IGBP1: variants seen among roughly 807,000 people sequenced by gnomAD.
The protein encoded by IGBP1 is immunoglobulin-binding protein 1.
Under a neutral mutation model 25.9 loss-of-function variants are expected in IGBP1, and 2 were observed. The observed-to-expected ratio is 0.08, with a 90% CI of 0.03 to 0.24. The LOEUF (loss-of-function observed/expected upper bound fraction) is 0.24, where lower values mean the gene tolerates loss of function less well. IGBP1 is among the 10% of genes least tolerant of loss of function. IGBP1 has a pLI of 1.00. For synonymous variants in IGBP1, 96 were observed against 93.4 expected, an observed-to-expected ratio of 1.03 and a Z score of -0.16; for missense variants, 187 against 260.4, an observed-to-expected ratio of 0.72 and a Z score of 1.94.
chrX:70,146,590 T>C (rs762543700), intron 3 of IGBP1, 43 bp from the exon 4 acceptor site: 1 of 1,091,536 alleles, frequency 9.2e-7, no homozygotes, highest in Non-Finnish European at 1.3e-6. Context: ...AAGGAATACC[T>C]CTTCATTTGT....
intron 3 of IGBP1, among the ~76,000 whole-genome samples, 180 bp from the exon 4 acceptor site, chrX:70,146,453 G>T (rs1223788203): frequency 9.0e-6 from 1 of 110,641 alleles, no homozygotes; most frequent in Non-Finnish European, 1.9e-5. Flanking sequence ...GCCCTAACTT[G>T]TCATCTGAGG....
chrX:70,151,101 C>G (rs1478668063), intron 6 of IGBP1, among the ~76,000 whole-genome samples: 1 of 110,916 alleles, frequency 9.0e-6, no homozygotes, highest in Non-Finnish European at 1.9e-5. Flanking sequence ...GCTGGGAATA[C>G]AGGCGCCTGC....
intron 3 of IGBP1, among the ~76,000 whole-genome samples, chrX:70,146,336 C>T (rs780718929): frequency 9.1e-6 from 1 of 110,317 alleles, no homozygotes; most frequent in Admixed American, 9.7e-5. Flanking sequence ...TAGTAAAGGC[C>T]AGTATAATCA....
intron 3 of IGBP1, among the ~76,000 whole-genome samples, chrX:70,142,595 G>T (rs899800194): frequency 4.3e-4 from 47 of 110,128 alleles, no homozygotes; most frequent in African/African-American, 1.6e-3. Context: ...GAGGCAGGAG[G>T]GTCATTTGAG....
intron 6 of IGBP1, among the ~76,000 whole-genome samples, chrX:70,154,263 G>A (rs2085223063): frequency 9.5e-6 from 1 of 105,476 alleles, no homozygotes; most frequent in Non-Finnish European, 1.9e-5. Context: ...TAGTAGAGAT[G>A]AGGTTTCATT....
intron 2 of IGBP1, 107 bp downstream of exon 2, chrX:70,134,242 C>G (rs762279872): frequency 6.9e-6 from 5 of 724,577 alleles, no homozygotes; most frequent in Non-Finnish European, 1.1e-5. Flanking sequence ...GAGAACGTTT[C>G]GTTCCTACTT....
intron 6 of IGBP1, among the ~76,000 whole-genome samples, chrX:70,160,611 C>CT (rs1569424976): frequency 8.9e-6 from 1 of 112,286 alleles, no homozygotes; most frequent in East Asian, 2.8e-4. Context: ...GAATGAGCTT[C>CT]AGACAGCCAA....
chrX:70,166,134 T>G lies in IGBP1; in HGVS notation c.*153T>G. ...TGCATTCAGTAAAGTGTCAAGTGATTAAGTGTGTATTTGTACCCTAGATGA... is the reference window on the plus strand; with the variant it reads ...TGCATTCAGTAAAGTGTCAAGTGATGAAGTGTGTATTTGTACCCTAGATGA... On this transcript the variant is annotated 3_prime_UTR_variant, in exon 7 of 7. Coordinates refer to ENST00000356413, the MANE Select transcript of IGBP1 (RefSeq NM_001551.3). The G allele has an allele frequency of 2.0e-6, 1 of 505,662 alleles. No individual in the cohort carries two copies. Among genetic ancestry groups the G allele is most frequent in the Non-Finnish European group, 3.3e-6 (1 of 298,748 alleles). 41.7% of individuals were successfully genotyped at this position (505,662 alleles called of 1,213,427 possible).
Position 70,166,168 on chromosome X carries a change from A to C in IGBP1, c.*187A>C, listed in dbSNP as rs2085296790. 1 of 435,603 alleles carries C rather than the reference A, an allele frequency of 2.3e-6. No homozygotes were observed. Among genetic ancestry groups the C allele is most frequent in the South Asian group, 4.1e-5 (1 of 24,596 alleles). 35.9% of individuals were successfully genotyped at this position (435,603 alleles called of 1,213,427 possible). A position where few individuals can be genotyped will look rare whatever the true frequency, so the allele number is the denominator to read the frequency against. ...ATTTGTACCCTAGATGATATGAACC[A>C]GCAGTCTTGTTTTGGCATCATCCTC... On this transcript the variant is annotated 3_prime_UTR_variant, in exon 7 of 7. Coordinates refer to ENST00000356413, the MANE Select transcript of IGBP1 (RefSeq NM_001551.3).
At chrX:70,142,857 G>A (rs1406958894) in intron 3 of IGBP1, among the ~76,000 whole-genome samples, 2 of 107,285 alleles carry the variant, frequency 1.9e-5, no homozygotes, top group African/African-American at 6.8e-5. Flanking sequence ...TGGCTTGGTA[G>A]AGACAGAATC....
In IGBP1 at chrX:70,138,619, T is replaced by C. The variant is rs192521692; in HGVS notation, c.482+3803T>C. Among the ~76,000 whole-genome samples the C allele has an allele frequency of 8.0e-5, 9 of 111,906 alleles. No homozygotes were observed. In the East Asian group the frequency reaches 2.5e-3, roughly 31 times the overall value. ...CACTCATAGATGATCATTGTTAACT[T>C]TCTGATGTGTTTCCTTTCAGTTACA... On this transcript the variant is annotated intron_variant, in intron 3 of 6. Transcript: ENST00000356413.
At chrX:70,141,119 G>A (rs763695443) in intron 3 of IGBP1, among the ~76,000 whole-genome samples, 1 of 110,943 alleles carries the variant, frequency 9.0e-6, no homozygotes, top group Admixed American at 9.6e-5. Context: ...ACTGAGGTGG[G>A]TAGATCACAA....
intron 3 of IGBP1, among the ~76,000 whole-genome samples, chrX:70,138,058 C>G (rs986825313): frequency 9.1e-6 from 1 of 110,476 alleles, no homozygotes; most frequent in African/African-American, 3.3e-5. Flanking sequence ...ATCGCCTGAG[C>G]CCGGGAGTCG....
intron 6 of IGBP1, among the ~76,000 whole-genome samples, chrX:70,153,554 T>G (rs760401904): frequency 1.9e-3 from 212 of 112,746 alleles, no homozygotes; most frequent in African/African-American, 6.6e-3. Flanking sequence ...GGAACTATTT[T>G]GTTTGTGAGA....
intron 6 of IGBP1, among the ~76,000 whole-genome samples, chrX:70,157,107 A>G (rs2085246048): frequency 8.9e-6 from 1 of 112,311 alleles, no homozygotes; most frequent in Admixed American, 9.5e-5. Flanking sequence ...AAAATAAATA[A>G]AAGAGAATAC....
At chrX:70,160,613 GACAGCCAAA>G (rs1569424978) in intron 6 of IGBP1, among the ~76,000 whole-genome samples, 1 of 112,359 alleles carries the variant, frequency 8.9e-6, no homozygotes, top group East Asian at 2.8e-4. Context: ...ATGAGCTTCA[GACAGCCAAA>G]GTGTTGAGAG....
chrX:70,151,465 C>T (rs867673347), intron 6 of IGBP1, among the ~76,000 whole-genome samples: 8 of 111,687 alleles, frequency 7.2e-5, no homozygotes, highest in East Asian at 2.8e-4. Context: ...CATCAGCCAC[C>T]GCGCTCAGCT....
intron 6 of IGBP1, among the ~76,000 whole-genome samples, chrX:70,152,409 G>A (rs183254082): frequency 9.0e-5 from 10 of 111,427 alleles, no homozygotes; most frequent in African/African-American, 2.6e-4. Context: ...AACAGAATTC[G>A]GAATCTCTAC....
intron 3 of IGBP1, among the ~76,000 whole-genome samples, chrX:70,135,193 GGAGTA>G (rs996425512): frequency 4.5e-5 from 5 of 112,212 alleles, no homozygotes; most frequent in Admixed American, 9.5e-5. Context: ...TCAGACTACT[GGAGTA>G]GATGTGTAAC....
Sources: allele counts gnomAD v4.1 joint callset (sites outside exome capture counted in the v4.1 genomes callset), GRCh38; gene constraint gnomAD v4.1.1; transcripts MANE v1.5; gene names NCBI Gene and HGNC (gene_info 2026-07-23, HGNC 2026-07-21).